The following PSD3 variants were observed in gnomAD, a reference collection of about 807,000 sequenced individuals.
PSD3 encodes pleckstrin and Sec7 domain containing 3.
PSD3 carries 49 observed loss-of-function variants against 105.5 expected under a neutral mutation model. The ratio of observed to expected loss-of-function variants is 0.46; its 90% CI spans 0.37 to 0.59. The LOEUF (loss-of-function observed/expected upper bound fraction) is 0.59, where lower values mean the gene tolerates loss of function less well. PSD3 is among the 20% of genes least tolerant of loss of function. PSD3 has a pLI of 0.00. For synonymous variants in PSD3, 557 were observed against 457.8 expected, an observed-to-expected ratio of 1.22 and a Z score of -2.77; for missense variants, 1,561 against 1,263.8, an observed-to-expected ratio of 1.24 and a Z score of -3.57.
chr8:18,796,179 T>C (rs75549661), intron 8 of PSD3, among the ~76,000 whole-genome samples: 3,699 of 152,230 alleles, frequency 0.024, 167 homozygotes, highest in East Asian at 0.14. Context: ...CCCCCAAATA[T>C]TGTATATACT....
intron 2 of PSD3, among the ~76,000 whole-genome samples, chr8:18,881,094 T>G (rs903473742): frequency 1.3e-5 from 2 of 152,242 alleles, no homozygotes; most frequent in African/African-American, 2.4e-5. Flanking sequence ...CGGCTTTGTG[T>G]ATCTGGTTAG....
intron 11 of PSD3, among the ~76,000 whole-genome samples, chr8:18,628,173 G>A (rs1468480730): frequency 6.6e-6 from 1 of 151,826 alleles, no homozygotes; most frequent in Non-Finnish European, 1.5e-5. Flanking sequence ...CCCATAACAG[G>A]AGTGGAGGCT....
At chr8:18,767,331 C>G (rs1440129178) in intron 8 of PSD3, among the ~76,000 whole-genome samples, 2 of 152,162 alleles carry the variant, frequency 1.3e-5, no homozygotes, top group African/African-American at 4.8e-5. Context: ...TTTTTAGGTT[C>G]CGTATAGACA....
rs554107210 is a variant in PSD3, at chr8:18,949,189, T to C, written c.22-13047A>G. On this transcript the variant is annotated intron_variant, in intron 1 of 15. Transcript: ENST00000327040. ...GTGAGCCGAGATTGTGCCACTGCAC[T>C]CCAGCCTGGGCTACAGATCGAGACT... Among the ~76,000 whole-genome samples, 32 of 110,056 alleles carry C rather than the reference T, an allele frequency of 2.9e-4. 1 individual carries two copies. In the South Asian group the frequency reaches 0.01, roughly 36 times the overall value. The allele number at this position is 110,056 out of a possible 152,430, so 72.2% of individuals were successfully genotyped here. A position where few individuals can be genotyped will look rare whatever the true frequency, so the allele number is the denominator to read the frequency against.
rs1212036562 is a variant in PSD3, at chr8:18,616,623, CTTTTCT to C, written c.2410+15984_2410+15989del. ...GCCAGGCCTCATCTTCCTCTCTTTT[CTTTTCT>C]TTTTTTTTTTTTGAGACGGAGTCTC... On this transcript the variant is annotated intron_variant, in intron 11 of 15. Transcript: ENST00000327040. 2.1e-4 allele frequency among the ~76,000 whole-genome samples: 21 copies of C among 98,554 alleles called. 1 individual carries two copies. The highest frequency in any genetic ancestry group is 6.6e-4 in the Admixed American group (6 of 9,106). 64.7% of individuals were successfully genotyped at this position (98,554 alleles called of 152,430 possible). A position where few individuals can be genotyped will look rare whatever the true frequency, so the allele number is the denominator to read the frequency against.
rs1294767097 is a variant in PSD3 at position 18,655,646 on chromosome 8, C to T, written c.2212G>A (p.Ala738Thr). ...GCTGACGTCCAGCACACTTACACTGCCCATTCAAGCTTCTCATTCTTGATT... is the reference window on the plus strand; with the variant it reads ...GCTGACGTCCAGCACACTTACACTGTCCATTCAAGCTTCTCATTCTTGATT... Reference protein sequence around the residue: ...NSIKNEKLEWAVDDEEKKKSP... With the variant: ...NSIKNEKLEWTVDDEEKKKSP... Residue 738 changes from alanine to threonine, a missense_variant, in exon 10 of 16, where the codon GCA becomes ACA. Physicochemically the swap from Ala to Thr is moderately conservative, Grantham distance 58. Transcript: ENST00000327040. The T allele has an allele frequency of 3.7e-6, 6 of 1,613,638 alleles. No individual in the cohort carries two copies. Among genetic ancestry groups the T allele is most frequent in the African/African-American group, 2.7e-5 (2 of 74,918 alleles).
intron 2 of PSD3, among the ~76,000 whole-genome samples, chr8:18,912,723 T>C (rs770349169): frequency 2.0e-5 from 3 of 152,192 alleles, no homozygotes; most frequent in African/African-American, 7.2e-5. Context: ...CAACCTGATG[T>C]TGAAGTTCAG....
chr8:18,889,079 C>T (rs902103177), intron 2 of PSD3, among the ~76,000 whole-genome samples: 23 of 151,810 alleles, frequency 1.5e-4, no homozygotes, highest in Admixed American at 1.1e-3. Context: ...TATAGCATAT[C>T]GCATTAGGCT....
At chr8:18,647,072 G>C (rs902002861) in intron 10 of PSD3, among the ~76,000 whole-genome samples, 1 of 152,180 alleles carries the variant, frequency 6.6e-6, no homozygotes, top group Non-Finnish European at 1.5e-5. Context: ...TTCATGGGCA[G>C]TGTTAAACAT....
chr8:18,591,079 A>G (rs1404626425), intron 12 of PSD3, among the ~76,000 whole-genome samples: 1 of 152,146 alleles, frequency 6.6e-6, no homozygotes, highest in Non-Finnish European at 1.5e-5. Flanking sequence ...GGACCAAAAT[A>G]CCTACTAAGA....
intron 4 of PSD3, among the ~76,000 whole-genome samples, chr8:18,837,233 T>C (rs1330083872): frequency 6.6e-6 from 1 of 152,046 alleles, no homozygotes; most frequent in African/African-American, 2.4e-5. Flanking sequence ...TGTGAGACGC[T>C]CTTGAACCAG....
At chr8:18,683,193 T>C (rs1800479667) in intron 9 of PSD3, among the ~76,000 whole-genome samples, 2 of 152,214 alleles carry the variant, frequency 1.3e-5, no homozygotes, top group African/African-American at 2.4e-5. Flanking sequence ...CATGGCAGCA[T>C]AGCATCAGCA....
intron 15 of PSD3, among the ~76,000 whole-genome samples, chr8:18,553,848 C>A (rs1353750989): frequency 6.6e-6 from 1 of 152,106 alleles, no homozygotes; most frequent in Non-Finnish European, 1.5e-5. Flanking sequence ...GCTATCCTCG[C>A]GCCTTTCTGA....
intron 4 of PSD3, among the ~76,000 whole-genome samples, chr8:18,819,468 T>A (rs1027831103): frequency 6.6e-6 from 1 of 151,834 alleles, no homozygotes; most frequent in Non-Finnish European, 1.5e-5. Context: ...TCCAGAGGGA[T>A]AAGGCAAAAG....
At chr8:19,005,986 G>C (rs764448781) in intron 1 of PSD3, among the ~76,000 whole-genome samples, 1 of 151,752 alleles carries the variant, frequency 6.6e-6, no homozygotes, top group African/African-American at 2.4e-5. Flanking sequence ...TCTGAAAATG[G>C]AGACACCACC....
At chr8:18,967,663 A>G (rs1384288039) in intron 1 of PSD3, among the ~76,000 whole-genome samples, 1 of 152,184 alleles carries the variant, frequency 6.6e-6, no homozygotes, top group Non-Finnish European at 1.5e-5. Flanking sequence ...TTCAACCAGA[A>G]AATTAGAAAA....
chr8:19,010,224 G>A (rs1381059675), intron 1 of PSD3, among the ~76,000 whole-genome samples: 5 of 152,038 alleles, frequency 3.3e-5, no homozygotes, highest in African/African-American at 4.8e-5. Context: ...GGAGAAGAGC[G>A]GGCGGATCCC....
At chr8:18,942,939 T>G (rs1822643139) in intron 1 of PSD3, among the ~76,000 whole-genome samples, 1 of 152,182 alleles carries the variant, frequency 6.6e-6, no homozygotes. Context: ...CAAAAGGGTC[T>G]GGATGAGAAG....
intron 1 of PSD3, among the ~76,000 whole-genome samples, chr8:19,011,962 G>A (rs982363937): frequency 2.0e-5 from 3 of 152,160 alleles, no homozygotes; most frequent in African/African-American, 2.4e-5. Context: ...TGCATAAAAC[G>A]TGTCTAGGCA....
Sources: gnomAD v4.1 joint callset for allele counts (sites outside exome capture counted in the v4.1 genomes callset) on GRCh38, gnomAD v4.1.1 for gene constraint, MANE v1.5 for transcripts, NCBI Gene and HGNC (gene_info 2026-07-23, HGNC 2026-07-21) for gene names.